The following GPC6 variants were observed in gnomAD, a reference collection of about 807,000 sequenced individuals.
GPC6 encodes the protein glypican-6.
A neutral mutation model predicts 55.2 loss-of-function variants in GPC6; 14 were observed. That is an observed-to-expected ratio of 0.25 (90% CI 0.17 to 0.40). The LOEUF is 0.40. Among genes scored for constraint, GPC6 ranks in the 10% least tolerant of loss-of-function variants. GPC6 has a pLI of 1.00. For synonymous variants in GPC6, 278 were observed against 259.6 expected, an observed-to-expected ratio of 1.07 and a Z score of -0.68; for missense variants, 641 against 708.5, an observed-to-expected ratio of 0.90 and a Z score of 1.08.
chr13:93,397,693 G>A (rs910399431), intron 1 of GPC6, among the ~76,000 whole-genome samples: 3 of 151,890 alleles, frequency 2.0e-5, no homozygotes, highest in Non-Finnish European at 4.4e-5. Flanking sequence ...CTTTCCAGGT[G>A]ACCACAGCCT....
intron 1 of GPC6, among the ~76,000 whole-genome samples, chr13:93,302,650 A>C (rs983334524): frequency 1.3e-5 from 2 of 152,224 alleles, no homozygotes; most frequent in Non-Finnish European, 2.9e-5. Context: ...TTCTGAAGTC[A>C]AACTTGTCTG....
chr13:94,389,776 G>A (rs1880565852), intron 7 of GPC6, among the ~76,000 whole-genome samples: 1 of 152,036 alleles, frequency 6.6e-6, no homozygotes, highest in Non-Finnish European at 1.5e-5. Flanking sequence ...TCTTGAGTCA[G>A]TCATTTCCAG....
chr13:93,575,205 C>T (rs1473253126), intron 2 of GPC6, among the ~76,000 whole-genome samples: 2 of 152,050 alleles, frequency 1.3e-5, no homozygotes, highest in Admixed American at 1.3e-4. Context: ...GAGGCAGAAT[C>T]GCTTGAACCC....
At chr13:93,697,587 C>T (rs1289269053) in intron 2 of GPC6, among the ~76,000 whole-genome samples, 2 of 152,172 alleles carry the variant, frequency 1.3e-5, no homozygotes. Flanking sequence ...ATATGTTAGA[C>T]AACGAATTAG....
intron 6 of GPC6, among the ~76,000 whole-genome samples, chr13:94,364,605 C>A (rs544870323): frequency 1.3e-5 from 2 of 152,232 alleles, no homozygotes; most frequent in South Asian, 4.1e-4. Flanking sequence ...ATGTGTGAGC[C>A]ATTTTTAATG....
intron 3 of GPC6, among the ~76,000 whole-genome samples, chr13:93,936,726 G>T (rs1271480861): frequency 1.3e-5 from 2 of 152,070 alleles, no homozygotes; most frequent in South Asian, 2.1e-4. Flanking sequence ...AGGGAAACTC[G>T]TAAGAAAAAA....
chr13:93,227,835 G>A lies in GPC6; in HGVS notation c.160+219G>A, dbSNP rs993635036. Among the ~76,000 whole-genome samples, 20 of 152,134 alleles carry A rather than the reference G, an allele frequency of 1.3e-4. No individual in the cohort carries two copies. Among genetic ancestry groups the A allele is most frequent in the African/African-American group, 4.8e-4 (20 of 41,462 alleles). ...CCGCCGCCTCATTGTGTGCACACGC[G>A]GGAGCACCCTGGCTCCCGCCTCCCG... On this transcript the variant is annotated intron_variant, in intron 1 of 8. Coordinates refer to ENST00000377047, the MANE Select transcript of GPC6 (RefSeq NM_005708.5). This position sits in a 1 kb window ranked among gnomAD's most constrained non-coding sequence, Gnocchi z 4.3.
At chr13:94,343,898 T>C (rs888748810) in intron 6 of GPC6, among the ~76,000 whole-genome samples, 2 of 152,038 alleles carry the variant, frequency 1.3e-5, no homozygotes, top group African/African-American at 4.8e-5. Flanking sequence ...GCCCAGCTAA[T>C]TTTTGTATTT....
Position 93,614,730 on chromosome 13 carries a change from A to G in GPC6, c.319+69309A>G, listed in dbSNP as rs369585929. On this transcript the variant is annotated intron_variant, in intron 2 of 8. Coordinates refer to ENST00000377047, the MANE Select transcript of GPC6 (RefSeq NM_005708.5). ...TATTTACCCAAAAGGAAAGGGTGCT[A>G]TAGAAGATCTCTTAGTAAAATACTG... Among the ~76,000 whole-genome samples the G allele has an allele frequency of 9.2e-5, 14 of 152,202 alleles. No individual in the cohort carries two copies. In the East Asian group the frequency reaches 1.2e-3, roughly 13 times the overall value.
intron 4 of GPC6, among the ~76,000 whole-genome samples, chr13:94,169,408 G>T (rs1372105329): frequency 6.6e-6 from 1 of 152,086 alleles, no homozygotes; most frequent in Non-Finnish European, 1.5e-5. Context: ...CAGTAATCAG[G>T]GGTGGTATTT....
intron 6 of GPC6, among the ~76,000 whole-genome samples, chr13:94,366,090 C>T (rs1443381633): frequency 6.6e-6 from 1 of 152,106 alleles, no homozygotes; most frequent in Non-Finnish European, 1.5e-5. Flanking sequence ...ATGAGCTTAA[C>T]TGAATCACTG....
At chr13:94,088,370 A>G (rs560341080) in intron 4 of GPC6, among the ~76,000 whole-genome samples, 1 of 152,164 alleles carries the variant, frequency 6.6e-6, no homozygotes, top group South Asian at 2.1e-4. Flanking sequence ...AGTTTTAAGG[A>G]TGTTCATAGA....
At chr13:93,524,865 C>G (rs1181241986) in intron 1 of GPC6, among the ~76,000 whole-genome samples, 1 of 152,070 alleles carries the variant, frequency 6.6e-6, no homozygotes, top group African/African-American at 2.4e-5. Flanking sequence ...GTATGTACCT[C>G]GCCATGTGTT....
At chr13:93,978,315 A>G (rs1880615078) in intron 3 of GPC6, among the ~76,000 whole-genome samples, 1 of 152,150 alleles carries the variant, frequency 6.6e-6, no homozygotes, top group South Asian at 2.1e-4. Flanking sequence ...TAGATAATGA[A>G]TTTGTTTTGT....
chr13:93,772,569 C>T (rs768362509), intron 2 of GPC6, among the ~76,000 whole-genome samples: 3 of 151,530 alleles, frequency 2.0e-5, no homozygotes, highest in South Asian at 2.1e-4. Flanking sequence ...TATTAAAAGG[C>T]GATATATACA....
At chr13:93,913,129 G>A (rs961803381) in intron 3 of GPC6, among the ~76,000 whole-genome samples, 7 of 152,086 alleles carry the variant, frequency 4.6e-5, no homozygotes, top group Non-Finnish European at 1.0e-4. Flanking sequence ...GTTAGGACTC[G>A]GACATATCAT....
chr13:94,027,017 A>T (rs1316730855), intron 3 of GPC6, among the ~76,000 whole-genome samples: 2 of 152,180 alleles, frequency 1.3e-5, no homozygotes, highest in Non-Finnish European at 2.9e-5. Context: ...TCAAATTAGA[A>T]TTCTTAATGA....
chr13:93,602,584 G>T (rs555382852), intron 2 of GPC6, among the ~76,000 whole-genome samples: 1 of 151,436 alleles, frequency 6.6e-6, no homozygotes, highest in African/African-American at 2.5e-5. Context: ...AAATAATCTT[G>T]GGGGAAGATG....
intron 2 of GPC6, among the ~76,000 whole-genome samples, chr13:93,652,553 C>T (rs1880460514): frequency 1.3e-5 from 2 of 152,116 alleles, no homozygotes; most frequent in African/African-American, 4.8e-5. Context: ...GAAACAGTGG[C>T]TTTTGAGTTT....
Sources: allele counts gnomAD v4.1 joint callset (sites outside exome capture counted in the v4.1 genomes callset), GRCh38; gene constraint gnomAD v4.1.1; non-coding constraint Gnocchi (gnomAD v3.1); transcripts MANE v1.5; gene names NCBI Gene and HGNC (gene_info 2026-07-23, HGNC 2026-07-21).